SULF1: variants seen among roughly 807,000 people sequenced by gnomAD.
SULF1 encodes the protein extracellular sulfatase Sulf-1.
A neutral mutation model predicts 110.5 loss-of-function variants in SULF1; 46 were observed. That is an observed-to-expected ratio of 0.42 (90% CI 0.33 to 0.53). SULF1 has a LOEUF of 0.53. Among genes scored for constraint, SULF1 ranks in the 20% least tolerant of loss-of-function variants. The probability of loss-of-function intolerance (pLI) is 0.12; values close to 1 mark genes in which losing one functional copy is unlikely to be tolerated. For missense variants in SULF1, 941 were observed against 1,094.2 expected (o/e 0.86, Z 1.98); for synonymous variants, 371 against 387.1 (o/e 0.96, Z 0.49).
At chr8:69,503,328 T>G (rs1261075854) in intron 3 of SULF1, among the ~76,000 whole-genome samples, 1 of 152,192 alleles carries the variant, frequency 6.6e-6, no homozygotes, top group Non-Finnish European at 1.5e-5. Context: ...CCCCCATGGC[T>G]GATTACAGCA....
At chr8:69,479,608 G>A (rs189823236) in intron 1 of SULF1, among the ~76,000 whole-genome samples, 1 of 152,208 alleles carries the variant, frequency 6.6e-6, no homozygotes, top group East Asian at 1.9e-4. Flanking sequence ...TTCCAGGAAA[G>A]GATATCATAG....
At chr8:69,609,654 C>A in intron 13 of SULF1, among the ~76,000 whole-genome samples, 1 of 152,230 alleles carries the variant, frequency 6.6e-6, no homozygotes, top group East Asian at 1.9e-4. Flanking sequence ...TGAGTACTTT[C>A]TTCCCTGTAA....
At chr8:69,471,649 G>A (rs536146250) in intron 1 of SULF1, among the ~76,000 whole-genome samples, 1 of 152,282 alleles carries the variant, frequency 6.6e-6, no homozygotes, top group East Asian at 1.9e-4. Context: ...TTCTAATCCA[G>A]GGACCACCTC....
At chr8:69,569,323 A>C (rs1216409478) in intron 5 of SULF1, among the ~76,000 whole-genome samples, 1 of 152,238 alleles carries the variant, frequency 6.6e-6, no homozygotes, top group African/African-American at 2.4e-5. Context: ...CATACTTTTC[A>C]GAATTAAGCC....
At chr8:69,642,112 C>T (rs943512490) in intron 22 of SULF1, 2 of 551,102 alleles carry the variant, frequency 3.6e-6, no homozygotes, top group Non-Finnish European at 4.6e-6. Context: ...GAAATGTGAA[C>T]TTAATTGGTG....
At chr8:69,506,385 A>G (rs1040376126) in intron 3 of SULF1, among the ~76,000 whole-genome samples, 2 of 152,206 alleles carry the variant, frequency 1.3e-5, no homozygotes, top group African/African-American at 2.4e-5. Flanking sequence ...TGAGACTTCA[A>G]TGCAAATCTA....
intron 3 of SULF1, among the ~76,000 whole-genome samples, chr8:69,561,710 C>T (rs2150715660): frequency 6.6e-6 from 1 of 152,354 alleles, no homozygotes; most frequent in East Asian, 1.9e-4. Context: ...TCTCCCTTCA[C>T]ACACCTCTGC....
intron 18 of SULF1, among the ~76,000 whole-genome samples, chr8:69,629,190 C>T (rs1010862606): frequency 2.6e-5 from 4 of 152,090 alleles, no homozygotes; most frequent in African/African-American, 9.7e-5. Flanking sequence ...TGCGCCACCA[C>T]ATCCAGCTAA....
intron 13 of SULF1, among the ~76,000 whole-genome samples, chr8:69,614,512 G>T (rs1270474673): frequency 6.6e-6 from 1 of 152,238 alleles, no homozygotes; most frequent in Non-Finnish European, 1.5e-5. Context: ...AGATGATGAT[G>T]AATGAAATTG....
chr8:69,577,115 GTCACTC>G (rs2150746361), intron 6 of SULF1, among the ~76,000 whole-genome samples: 1 of 152,338 alleles, frequency 6.6e-6, no homozygotes, highest in Admixed American at 6.5e-5. Flanking sequence ...TGATAGCACT[GTCACTC>G]GCAGACAGCT....
intron 13 of SULF1, among the ~76,000 whole-genome samples, chr8:69,608,887 C>T (rs2130453401): frequency 6.6e-6 from 1 of 152,190 alleles, no homozygotes; most frequent in East Asian, 1.9e-4. Context: ...GGGCGTTACA[C>T]CCCCGGACAC....
intron 3 of SULF1, among the ~76,000 whole-genome samples, chr8:69,506,654 G>A (rs1811218827): frequency 6.6e-6 from 1 of 152,140 alleles, no homozygotes; most frequent in South Asian, 2.1e-4. Flanking sequence ...GTAAAATTGT[G>A]CTTTGCCTGA....
At position 69,576,221 on chromosome 8, in the gene SULF1, C is replaced by T. The variant is rs763489911; in HGVS notation, c.412+12C>T. ...TGGCTACAGAACAGGTAAGGGATGA[C>T]GTTTCTAGCCCATGAACGTCTTGTA... On this transcript the variant is annotated intron_variant, in intron 6 of 22. Coordinates refer to ENST00000402687, the MANE Select transcript of SULF1 (RefSeq NM_001128205.2). The T allele has an allele frequency of 3.0e-5, 48 of 1,610,526 alleles. No homozygotes were observed. Among genetic ancestry groups the T allele is most frequent in the African/African-American group, 8.0e-5 (6 of 74,840 alleles).
intron 3 of SULF1, among the ~76,000 whole-genome samples, chr8:69,536,496 T>C (rs1331198262): frequency 2.0e-5 from 3 of 152,216 alleles, no homozygotes; most frequent in Admixed American, 1.3e-4. Context: ...TGCAGCCTGT[T>C]GTTTGTGTTT....
rs568055237 is a variant in SULF1, at chr8:69,564,134, A to C, written c.159A>C (p.Gln53His). The change falls in exon 5 of 23, where the codon CAA becomes CAC. Residue 53 changes from glutamine (Q) to histidine (H), a missense_variant. Around this residue, in one of 3 missense-constraint regions of SULF1, gnomAD observed 822 missense variants for 934.3 expected, o/e 0.88. Coordinates refer to ENST00000402687, the MANE Select transcript of SULF1 (RefSeq NM_001128205.2). ...TTATTCTTGTGCTTACCGATGATCA[A>C]GATGTGGAGCTGGGTGAGACACTGG... is the stretch of plus-strand genomic sequence containing the variant. ...PNIILVLTDD[Q>H]DVELGSLQVM... 1 of 1,614,152 alleles carries C rather than the reference A, an allele frequency of 6.2e-7. No individual in the cohort carries two copies. Among genetic ancestry groups the C allele is most frequent in the African/African-American group, 1.3e-5 (1 of 75,028 alleles).
intron 13 of SULF1, among the ~76,000 whole-genome samples, chr8:69,607,108 C>A (rs1478602550): frequency 6.6e-6 from 1 of 152,194 alleles, no homozygotes; most frequent in East Asian, 1.9e-4. Flanking sequence ...GTCAGAAATG[C>A]AAATTCTCTG....
chr8:69,467,023 G>T (rs1474887056), intron 1 of SULF1: 1 of 152,040 alleles, frequency 6.6e-6, no homozygotes, highest in African/African-American at 2.4e-5. Flanking sequence ...ATGCTAGCAC[G>T]GCACACTTGT....
intron 19 of SULF1, among the ~76,000 whole-genome samples, chr8:69,631,376 C>T (rs1403976043): frequency 6.6e-6 from 1 of 151,976 alleles, no homozygotes; most frequent in Non-Finnish European, 1.5e-5. Context: ...CTCCCAGGCT[C>T]CCCTCTGGTC....
At chr8:69,574,376 C>A (rs1805451691) in intron 5 of SULF1, among the ~76,000 whole-genome samples, 1 of 152,180 alleles carries the variant, frequency 6.6e-6, no homozygotes, top group Non-Finnish European at 1.5e-5. Flanking sequence ...ACACATGTCA[C>A]TCGCTGCAAT....
Sources: gnomAD v4.1 joint callset for allele counts (sites outside exome capture counted in the v4.1 genomes callset) on GRCh38, gnomAD v4.1.1 for gene constraint, gnomAD v4.1.1 regional missense constraint, MANE v1.5 for transcripts, NCBI Gene and HGNC (gene_info 2026-07-23, HGNC 2026-07-21) for gene names.